GPC5: variants seen among roughly 807,000 people sequenced by gnomAD.
The protein encoded by GPC5 is glypican 5.
GPC5 carries 47 observed loss-of-function variants against 53.9 expected under a neutral mutation model. The observed-to-expected ratio is 0.87, with a 90% CI of 0.69 to 1.11. The LOEUF (loss-of-function observed/expected upper bound fraction) is 1.11. GPC5 is among the 50% of genes most tolerant of loss of function. The pLI is 0.00. For missense variants in GPC5, 748 were observed against 713.1 expected, an observed-to-expected ratio of 1.05 and a Z score of -0.56; for synonymous variants, 286 against 263.3, an observed-to-expected ratio of 1.09 and a Z score of -0.84.
At chr13:91,579,995 A>G (rs2032297001) in intron 2 of GPC5, among the ~76,000 whole-genome samples, 1 of 152,128 alleles carries the variant, frequency 6.6e-6, no homozygotes, top group East Asian at 1.9e-4. Context: ...CAATAATTTT[A>G]TATCATATAA....
chr13:92,534,411 G>A (rs1881659716), intron 7 of GPC5, among the ~76,000 whole-genome samples: 1 of 152,134 alleles, frequency 6.6e-6, no homozygotes, highest in Admixed American at 6.5e-5. Flanking sequence ...CAAAACAGTT[G>A]GGCAAAGGAG....
At chr13:92,468,550 A>G (rs1878789861) in intron 7 of GPC5, among the ~76,000 whole-genome samples, 1 of 152,134 alleles carries the variant, frequency 6.6e-6, no homozygotes, top group Non-Finnish European at 1.5e-5. Context: ...AATACATTGG[A>G]CTTGTTGCAC....
chr13:91,862,616 A>G (rs1754554501), intron 5 of GPC5, among the ~76,000 whole-genome samples: 1 of 152,188 alleles, frequency 6.6e-6, no homozygotes, highest in Non-Finnish European at 1.5e-5. Flanking sequence ...GTATATGTAT[A>G]TACACACATA....
intron 7 of GPC5, among the ~76,000 whole-genome samples, chr13:92,835,122 T>C (rs1878180263): frequency 6.6e-6 from 1 of 152,032 alleles, no homozygotes; most frequent in African/African-American, 2.4e-5. Flanking sequence ...TGTTTTTATT[T>C]TCAGATTTAT....
At chr13:91,718,139 C>A (rs980779448) in intron 3 of GPC5, among the ~76,000 whole-genome samples, 20 of 149,782 alleles carry the variant, frequency 1.3e-4, no homozygotes, top group African/African-American at 4.9e-4. Flanking sequence ...GAGATGGAGT[C>A]TCTCTCTGTA....
At position 92,624,947 on chromosome 13, in the gene GPC5, T is replaced by G. The variant is rs1198526325; in HGVS notation, c.1562-241335T>G. The stretch of plus-strand genomic sequence containing the variant: ...CAAGGAACACATGAATACAATAGCA[T>G]GTACTTATATTTAACATAAATTTAG... On this transcript the variant is annotated intron_variant, in intron 7 of 7. Transcript: ENST00000377067. 3.3e-5 allele frequency among the ~76,000 whole-genome samples: 5 copies of G among 152,228 alleles called. No individual in the cohort carries two copies. The East Asian group carries it at 9.6e-4, about 29-fold the overall frequency.
chr13:92,103,467 G>T (rs1253502892), intron 6 of GPC5, among the ~76,000 whole-genome samples: 1 of 151,958 alleles, frequency 6.6e-6, no homozygotes, highest in Non-Finnish European at 1.5e-5. Flanking sequence ...TTAAATTGTG[G>T]CTTATCTCAA....
chr13:91,770,100 G>A (rs188772169), intron 5 of GPC5, among the ~76,000 whole-genome samples: 1 of 152,124 alleles, frequency 6.6e-6, no homozygotes, highest in Non-Finnish European at 1.5e-5. Context: ...TGGCTCACAG[G>A]ACTCAGAGAA....
chr13:92,264,649 A>G (rs1417109663), intron 7 of GPC5, among the ~76,000 whole-genome samples: 1 of 151,526 alleles, frequency 6.6e-6, no homozygotes, highest in Non-Finnish European at 1.5e-5. Flanking sequence ...AGTTCAACCT[A>G]TGTTGTTCTT....
At chr13:91,520,558 T>C (rs558633419) in intron 2 of GPC5, among the ~76,000 whole-genome samples, 2 of 152,316 alleles carry the variant, frequency 1.3e-5, no homozygotes, top group East Asian at 3.9e-4. Flanking sequence ...AACTCTTCTC[T>C]GAGCCTCCAG....
chr13:91,764,543 A>G (rs568448286), intron 5 of GPC5, among the ~76,000 whole-genome samples: 192 of 152,310 alleles, frequency 1.3e-3, no homozygotes, highest in Non-Finnish European at 2.2e-3. Context: ...AGGCTCTTTC[A>G]TTATGGGTTA....
At chr13:92,464,603 C>A (rs184015131) in intron 7 of GPC5, among the ~76,000 whole-genome samples, 49 of 151,988 alleles carry the variant, frequency 3.2e-4, no homozygotes, top group Admixed American at 2.4e-3. Context: ...TTAAGAATAC[C>A]TTGACTCAAG....
chr13:92,620,890 C>T (rs1884847690), intron 7 of GPC5, among the ~76,000 whole-genome samples: 1 of 152,196 alleles, frequency 6.6e-6, no homozygotes, highest in African/African-American at 2.4e-5. Flanking sequence ...AAGAAGAAAT[C>T]TCAGGTAAAT....
At chr13:91,971,252 G>A (rs1044324979) in intron 6 of GPC5, among the ~76,000 whole-genome samples, 19 of 152,126 alleles carry the variant, frequency 1.2e-4, no homozygotes, top group East Asian at 9.7e-4. Flanking sequence ...GTTTATTTGC[G>A]TAGAGGTGTT....
chr13:92,129,737 CT>C (rs902828005), intron 6 of GPC5, among the ~76,000 whole-genome samples: 4 of 151,996 alleles, frequency 2.6e-5, no homozygotes, highest in African/African-American at 9.7e-5. Context: ...GTAAAACAAC[CT>C]GAAAAGAGAT....
chr13:92,233,689 G>A (rs150568732), intron 7 of GPC5, among the ~76,000 whole-genome samples: 1 of 151,990 alleles, frequency 6.6e-6, no homozygotes, highest in African/African-American at 2.4e-5. Flanking sequence ...TTAAGTTTTA[G>A]GGTACATGTG....
chr13:92,511,255 T>C (rs16947718), intron 7 of GPC5, among the ~76,000 whole-genome samples: 2,233 of 152,320 alleles, frequency 0.015, 49 homozygotes, highest in Admixed American at 0.058. Context: ...TCATCTCCCA[T>C]AGCTGTATTG....
chr13:92,421,980 C>T (rs750409057), intron 7 of GPC5, among the ~76,000 whole-genome samples: 12 of 152,080 alleles, frequency 7.9e-5, no homozygotes, highest in Non-Finnish European at 1.5e-4. Flanking sequence ...GAGGTCAACA[C>T]TTCCCACCAC....
At chr13:92,768,643 A>T (rs899787322) in intron 7 of GPC5, among the ~76,000 whole-genome samples, 1 of 151,282 alleles carries the variant, frequency 6.6e-6, no homozygotes, top group African/African-American at 2.4e-5. Context: ...TCCCCTGTCC[A>T]CTCCTTCCTT....
Sources: gnomAD v4.1 joint callset for allele counts (sites outside exome capture counted in the v4.1 genomes callset) on GRCh38, gnomAD v4.1.1 for gene constraint, MANE v1.5 for transcripts, NCBI Gene and HGNC (gene_info 2026-07-23, HGNC 2026-07-21) for gene names.